STK33: variants seen among roughly 807,000 people sequenced by gnomAD.
The protein encoded by STK33 is serine/threonine-protein kinase 33.
Under a neutral mutation model 58.0 loss-of-function variants are expected in STK33, and 52 were observed. The observed-to-expected ratio is 0.90, with a 90% confidence interval of 0.72 to 1.13. The LOEUF is 1.13. Ranked by LOEUF, STK33 falls within the 50% of genes most tolerant of loss-of-function variation. The pLI is 0.00. For synonymous variants in STK33, 215 were observed against 200.1 expected (o/e 1.07, Z -0.63); for missense variants, 630 against 604.2 (o/e 1.04, Z -0.45).
chr11:8,481,638 C>A (rs188419691), intron 1 of STK33, among the ~76,000 whole-genome samples: 2 of 152,280 alleles, frequency 1.3e-5, no homozygotes, highest in Non-Finnish European at 2.9e-5. Context: ...TTGTAGCTTT[C>A]CTTTCAGAGC....
At chr11:8,519,557 A>G (rs1953178747) in intron 1 of STK33, among the ~76,000 whole-genome samples, 1 of 152,154 alleles carries the variant, frequency 6.6e-6, no homozygotes, top group Non-Finnish European at 1.5e-5. Flanking sequence ...TCCAGGAGCT[A>G]GATTTTGGAA....
chr11:8,387,567 T>C (rs1299903233), downstream of STK33, among the ~76,000 whole-genome samples: 1 of 152,222 alleles, frequency 6.6e-6, no homozygotes, highest in Non-Finnish European at 1.5e-5. Context: ...CTGGCATGTA[T>C]AAGTGCTCTG....
intron 8 of STK33, 88 bp from the exon 9 acceptor site, chr11:8,457,567 C>T: frequency 8.9e-7 from 1 of 1,121,296 alleles, no homozygotes; most frequent in Non-Finnish European, 1.2e-6. Flanking sequence ...CAATCACAGT[C>T]ATAATCATTA....
chr11:8,502,790 A>T (rs1337290298), intron 1 of STK33, among the ~76,000 whole-genome samples: 7 of 152,212 alleles, frequency 4.6e-5, no homozygotes, highest in Admixed American at 2.0e-4. Flanking sequence ...CAAGCAAAAA[A>T]TAAACAACCC....
At chr11:8,485,094 T>C (rs866898173) in intron 1 of STK33, among the ~76,000 whole-genome samples, 1 of 152,212 alleles carries the variant, frequency 6.6e-6, no homozygotes, top group Non-Finnish European at 1.5e-5. Flanking sequence ...TAAAAATACA[T>C]TGATGATTCT....
At chr11:8,393,761 A>T (rs1031448935) in intron 15 of STK33, among the ~76,000 whole-genome samples, 1 of 152,244 alleles carries the variant, frequency 6.6e-6, no homozygotes, top group Admixed American at 6.5e-5. Context: ...TTGATCATTC[A>T]GGTTCTTGTG....
In STK33 at chr11:8,520,201, A is replaced by G. The variant is rs1263851132; in HGVS notation, c.-465-39587T>C. ...AGGCTGGTTCAACATATGCAAATCAATAAATGTAATCCAGCATATAAACAG... is the reference window on the plus strand; with the variant it reads ...AGGCTGGTTCAACATATGCAAATCAGTAAATGTAATCCAGCATATAAACAG... On this transcript the variant is annotated intron_variant, in intron 1 of 15. Coordinates refer to ENST00000687296, the MANE Select transcript of STK33 (RefSeq NM_001352389.2). Among the ~76,000 whole-genome samples, 7 of 151,966 alleles carry G rather than the reference A, an allele frequency of 4.6e-5. No individual in the cohort carries two copies. The East Asian group carries it at 1.3e-3, about 29-fold the overall frequency.
rs139299711 is a variant in STK33, at chr11:8,480,018, T to C, written c.-261+392A>G. On this transcript the variant is annotated intron_variant, in intron 2 of 15. Transcript: ENST00000687296. ...AAAACAGGCAGGAATATTGGAAAAG[T>C]CGTCAAAGAAATGAGGGGATCATAT... is the stretch of plus-strand genomic sequence containing the variant. 1.6e-3 allele frequency among the ~76,000 whole-genome samples: 245 copies of C among 152,170 alleles called. 4 individuals carry two copies. The East Asian group carries it at 0.035, about 22-fold the overall frequency.
chr11:8,442,207 C>G (rs1944847441), intron 11 of STK33, among the ~76,000 whole-genome samples: 1 of 152,172 alleles, frequency 6.6e-6, no homozygotes, highest in Non-Finnish European at 1.5e-5. Flanking sequence ...ACTGAGCAAT[C>G]TGTCTCCAAA....
At chr11:8,513,721 C>T (rs183599347) in intron 1 of STK33, among the ~76,000 whole-genome samples, 1 of 152,136 alleles carries the variant, frequency 6.6e-6, no homozygotes, top group African/African-American at 2.4e-5. Flanking sequence ...TTATGGGATA[C>T]ATGAGATATT....
At chr11:8,566,008 G>A (rs1227884360) in intron 1 of STK33, 1 of 152,086 alleles carries the variant, frequency 6.6e-6, no homozygotes. Context: ...TAGTTTGAAG[G>A]CTGCCTAAAA....
chr11:8,414,146 T>A (rs1940759949), intron 14 of STK33, among the ~76,000 whole-genome samples: 1 of 152,156 alleles, frequency 6.6e-6, no homozygotes, highest in Non-Finnish European at 1.5e-5. Flanking sequence ...AGTCAATTAG[T>A]CAAGCACTGT....
In STK33 at chr11:8,426,365, T is replaced by C. The variant is rs187336670; in HGVS notation, c.1146+9129A>G. Among the ~76,000 whole-genome samples, 115 of 152,324 alleles carry C rather than the reference T, an allele frequency of 7.5e-4. 1 individual carries two copies. In the Middle Eastern group the frequency reaches 0.017, roughly 23 times the overall value. On this transcript the variant is annotated intron_variant, in intron 14 of 15. Coordinates refer to ENST00000687296, the MANE Select transcript of STK33 (RefSeq NM_001352389.2). ...ATGTCCAGCTGCTTGTGCGTCTGCC[T>C]GCTAGGGTCTCGGGTTTTTTACAGG...
At chr11:8,426,858 C>A (rs573930534) in intron 14 of STK33, among the ~76,000 whole-genome samples, 346 of 152,180 alleles carry the variant, frequency 2.3e-3, no homozygotes, top group African/African-American at 7.9e-3. Flanking sequence ...ATATGTTTTT[C>A]ATTCCTTCCT....
chr11:8,558,350 C>A (rs1162606813), intron 1 of STK33, among the ~76,000 whole-genome samples: 1 of 148,028 alleles, frequency 6.8e-6, no homozygotes, highest in East Asian at 1.9e-4. Flanking sequence ...CAAGGACTTA[C>A]GGGGGAAATG....
intron 2 of STK33, among the ~76,000 whole-genome samples, chr11:8,479,431 C>CAA (rs777089382): frequency 3.1e-4 from 32 of 104,248 alleles, no homozygotes; most frequent in African/African-American, 4.2e-4. Context: ...GACTCCGTCT[C>CAA]AAAAAAAAAA....
intron 1 of STK33, among the ~76,000 whole-genome samples, chr11:8,553,174 A>ATATATGGTG (rs1956435086): frequency 2.9e-5 from 2 of 67,834 alleles, no homozygotes; most frequent in Admixed American, 1.8e-4. Flanking sequence ...TAAAATATAT[A>ATATATGGTG]TATATATATA....
At chr11:8,367,772 TG>T in the STK33 span, among the ~76,000 whole-genome samples, 50 of 152,302 alleles carry the variant, frequency 3.3e-4, 1 homozygote, top group African/African-American at 1.2e-3. Flanking sequence ...ACATGAGGCT[TG>T]AAAATGGTAT....
intron 1 of STK33, among the ~76,000 whole-genome samples, chr11:8,540,379 G>A (rs1028135533): frequency 4.0e-5 from 6 of 151,884 alleles, no homozygotes; most frequent in African/African-American, 1.5e-4. Context: ...TAGTTTCTTG[G>A]GAGGCTGAGG....
Sources: allele counts gnomAD v4.1 joint callset (sites outside exome capture counted in the v4.1 genomes callset), GRCh38; gene constraint gnomAD v4.1.1; transcripts MANE v1.5; gene names NCBI Gene and HGNC (gene_info 2026-07-23, HGNC 2026-07-21).